The following ATXN2L variants were observed in gnomAD, a reference collection of about 807,000 sequenced individuals.
The protein encoded by ATXN2L is ataxin 2 like, also known as ataxin-2-like protein.
ATXN2L carries 24 observed loss-of-function variants against 120.7 expected under a neutral mutation model. The ratio of observed to expected loss-of-function variants is 0.20; its 90% confidence interval spans 0.14 to 0.28. The LOEUF (loss-of-function observed/expected upper bound fraction) is 0.28. Ranked by LOEUF, ATXN2L falls within the 10% of genes least tolerant of loss-of-function variation. The pLI, the probability that ATXN2L is intolerant of heterozygous loss-of-function variation, is 1.00. For synonymous variants in ATXN2L, 653 were observed against 568.1 expected, an observed-to-expected ratio of 1.15 and a Z score of -2.13; for missense variants, 1,312 against 1,432.3, an observed-to-expected ratio of 0.92 and a Z score of 1.36.
At chr16:28,827,408 C>T (rs940984792) in intron 6 of ATXN2L, among the ~76,000 whole-genome samples, 7 of 152,014 alleles carry the variant, frequency 4.6e-5, no homozygotes, top group Non-Finnish European at 1.0e-4. Context: ...GCACTCCAGC[C>T]TGGGTGGACC....
chr16:28,830,157 A>T, intron 8 of ATXN2L, 99 bp downstream of exon 8: 1 of 1,215,854 alleles, frequency 8.2e-7, no homozygotes, highest in Non-Finnish European at 1.1e-6. Context: ...CCTTGTGACC[A>T]TGTAAAATGT....
At chr16:28,833,418 T>A in intron 14 of ATXN2L, 21 bp from the exon 15 acceptor site, 2 of 1,614,098 alleles carry the variant, frequency 1.2e-6, no homozygotes, top group East Asian at 2.2e-5. Flanking sequence ...CCGTGAAGAT[T>A]TACTGTACTT....
Position 28,830,017 on chromosome 16 carries a change from G to T in ATXN2L, c.993G>T (p.Gln331His). Residue 331 changes from glutamine (Q) to histidine (H), a missense_variant, in exon 8 of 22, where the codon CAG (glutamine) becomes CAT (histidine). Coordinates refer to ENST00000336783, the MANE Select transcript of ATXN2L (RefSeq NM_007245.4). ...AAGAGGAGAAGCACAGTGCAGTCCA[G>T]CGGCAGGGCTCAGGGCGGGAGAGCC... ...RTEEEKHSAV[Q>H]RQGSGRESPS... is the part of the protein sequence containing the mutation. The T allele has an allele frequency of 1.9e-6, 3 of 1,614,002 alleles. No homozygotes were observed. The highest frequency in any genetic ancestry group is 2.5e-6 in the Non-Finnish European group (3 of 1,179,860).
chr16:28,826,595 A>G (rs1596872212), intron 5 of ATXN2L: 1 of 600,248 alleles, frequency 1.7e-6, no homozygotes, highest in East Asian at 2.9e-5. Context: ...ATATAATGCG[A>G]TGAATTCCTG....
chr16:28,830,098 G>C, intron 8 of ATXN2L, 40 bp downstream of exon 8: 2 of 1,567,832 alleles, frequency 1.3e-6, no homozygotes, highest in Non-Finnish European at 1.7e-6. Flanking sequence ...GGGGCTTCTG[G>C]GAATATCCTG....
chr16:28,824,744 C>T, intron 1 of ATXN2L: 1 of 344,454 alleles, frequency 2.9e-6, no homozygotes, highest in Non-Finnish European at 4.9e-6. Context: ...TTGGTTAATA[C>T]TGTAGCATTG....
intron 6 of ATXN2L, 47 bp downstream of exon 6, chr16:28,827,033 G>A (rs763622856): frequency 1.4e-5 from 19 of 1,371,662 alleles, no homozygotes; most frequent in Non-Finnish European, 1.6e-5. Flanking sequence ...AGACAGAATG[G>A]GTTGTTGACA....
At position 28,833,627 on chromosome 16, in the gene ATXN2L, G is replaced by A. The variant is rs544544441; in HGVS notation, c.2025+119G>A. On this transcript the variant is annotated intron_variant, in intron 15 of 21. Transcript: ENST00000336783. ...GGACCACTTGCCTGGCAGGCAGTGT[G>A]AGGAGATGTCATAAAAATGTAAGGA... 23 of 1,070,190 alleles carry A rather than the reference G, an allele frequency of 2.1e-5. No homozygotes were observed. In the East Asian group the frequency reaches 4.5e-4, roughly 21 times the overall value. The allele number at this position is 1,070,190 out of a possible 1,614,324, so 66.3% of individuals were successfully genotyped here.
rs764130541 is a variant in ATXN2L at position 28,833,506 on chromosome 16, G to C, written c.2023G>C (p.Val675Leu). 5 of 1,614,078 alleles carry C rather than the reference G, an allele frequency of 3.1e-6. No individual in the cohort carries two copies. Among genetic ancestry groups the C allele is most frequent in the Non-Finnish European group, 4.2e-6 (5 of 1,180,020 alleles). ...EFNPTKPLLS[V>L]NKSTSTPTSP... is the part of the protein sequence containing the mutation. ...CAATCCTACAAAGCCTCTGCTGTCTGTGGTGAGCTGGGACAGGAGAATGTG... is the reference window on the plus strand; with the variant it reads ...CAATCCTACAAAGCCTCTGCTGTCTCTGGTGAGCTGGGACAGGAGAATGTG... The change falls in exon 15 of 22, where the codon GTG (valine) becomes CTG (leucine). Residue 675 changes from valine (V) to leucine (L), a missense_variant and splice_region_variant. Coordinates refer to ENST00000336783, the MANE Select transcript of ATXN2L (RefSeq NM_007245.4).
In ATXN2L at chr16:28,836,224, C is replaced by G; in HGVS notation, c.3187C>G (p.Leu1063Val). 3.7e-6 allele frequency: 6 copies of G among 1,613,830 alleles called. No individual in the cohort carries two copies. The highest frequency in any genetic ancestry group is 1.7e-4 in the Middle Eastern group (1 of 6,056). Residue 1063 changes from leucine (L) to valine (V), a missense_variant, in exon 22 of 22, where the codon CTG (leucine) becomes GTG (valine). By Grantham distance (32) the Leu-to-Val change is conservative (BLOSUM62 1). Transcript: ENST00000336783. ...GGIWHGRAEG[L>V]QVGQDARVLG... ...AATTTGGCATGGAAGAGCTGAGGGGCTGCAGGTGGGGCAGGATGCACGGGT... is the reference window on the plus strand; with the variant it reads ...AATTTGGCATGGAAGAGCTGAGGGGGTGCAGGTGGGGCAGGATGCACGGGT...
rs1312984428 is a variant in ATXN2L at position 28,823,139 on chromosome 16, C to A, written c.-121C>A. On this transcript the variant is annotated 5_prime_UTR_variant, in exon 1 of 22. Transcript: ENST00000336783. ...CCCGACACCGCGGGGCTCCCCCCGC[C>A]CGCCCACGGCGGGCCCCGGCTGCCC... The A allele has an allele frequency of 1.8e-6, 1 of 548,924 alleles. No individual in the cohort carries two copies. The highest frequency in any genetic ancestry group is 3.6e-5 in the East Asian group (1 of 27,912). 34.0% of individuals were successfully genotyped at this position (548,924 alleles called of 1,614,324 possible).
intron 1 of ATXN2L, chr16:28,824,165 G>A: frequency 7.8e-6 from 8 of 1,026,468 alleles, no homozygotes; most frequent in Non-Finnish European, 9.4e-6. Context: ...GCGCGTGGAT[G>A]CTCGGTCTCA....
intron 10 of ATXN2L, 63 bp downstream of exon 10, chr16:28,831,135 TC>T: frequency 8.7e-7 from 1 of 1,155,710 alleles, no homozygotes; most frequent in Non-Finnish European, 1.2e-6. Context: ...TGTAAATATG[TC>T]CATTTGTTAC....
Position 28,823,116 on chromosome 16 carries a change from C to A in ATXN2L, c.-144C>A, listed in dbSNP as rs1596826197. ...CGCCGCGGTCTTCTCTCTCCACCCC[C>A]GACACCGCGGGGCTCCCCCCGCCCG... On this transcript the variant is annotated 5_prime_UTR_variant, in exon 1 of 22. Coordinates refer to ENST00000336783, the MANE Select transcript of ATXN2L (RefSeq NM_007245.4). 4.8e-6 allele frequency: 2 copies of A among 416,028 alleles called. No homozygotes were observed. Among genetic ancestry groups the A allele is most frequent in the South Asian group, 1.1e-4 (1 of 9,354 alleles). 25.8% of individuals were successfully genotyped at this position (416,028 alleles called of 1,614,324 possible). A position where few individuals can be genotyped will look rare whatever the true frequency, so the allele number is the denominator to read the frequency against.
intron 18 of ATXN2L, 120 bp from the exon 19 acceptor site, chr16:28,834,938 A>G (rs1959661418): frequency 2.2e-6 from 3 of 1,359,308 alleles, no homozygotes; most frequent in African/African-American, 1.5e-5. Context: ...ATCGTTATGA[A>G]TGTTGAATCA....
chr16:28,831,604 A>T (rs1033328183), intron 10 of ATXN2L, among the ~76,000 whole-genome samples: 1 of 152,222 alleles, frequency 6.6e-6, no homozygotes, highest in Non-Finnish European at 1.5e-5. Context: ...CTGGGATTAC[A>T]GGCGTGAGCC....
intron 1 of ATXN2L, 138 bp downstream of exon 1, chr16:28,823,696 C>T: frequency 1.1e-6 from 1 of 931,780 alleles, no homozygotes; most frequent in Non-Finnish European, 1.4e-6. Flanking sequence ...GGGGAGGGCC[C>T]CCTCAGGTCC....
At position 28,823,109 on chromosome 16, in the gene ATXN2L, C is replaced by T; in HGVS notation, c.-151C>T. On this transcript the variant is annotated 5_prime_UTR_variant, in exon 1 of 22. Coordinates refer to ENST00000336783, the MANE Select transcript of ATXN2L (RefSeq NM_007245.4). ...TTCCTCGCGCCGCGGTCTTCTCTCT[C>T]CACCCCCGACACCGCGGGGCTCCCC... is the stretch of plus-strand genomic sequence containing the variant. 1 of 293,164 alleles carries T rather than the reference C, an allele frequency of 3.4e-6. No homozygotes were observed. Among genetic ancestry groups the T allele is most frequent in the Non-Finnish European group, 6.1e-6 (1 of 165,050 alleles). 18.2% of individuals were successfully genotyped at this position (293,164 alleles called of 1,614,324 possible). A position where few individuals can be genotyped will look rare whatever the true frequency, so the allele number is the denominator to read the frequency against.
chr16:28,834,461 A>G, intron 17 of ATXN2L, 45 bp from the exon 18 acceptor site: 4 of 1,613,490 alleles, frequency 2.5e-6, no homozygotes, highest in Non-Finnish European at 3.4e-6. Context: ...CCAAGGGCCT[A>G]CTGGCAGGTG....
Sources: allele counts gnomAD v4.1 joint callset (sites outside exome capture counted in the v4.1 genomes callset), GRCh38; gene constraint gnomAD v4.1.1; transcripts MANE v1.5; gene names NCBI Gene and HGNC (gene_info 2026-07-23, HGNC 2026-07-21).